The following KIAA1671 variants were observed in gnomAD, a reference collection of about 807,000 sequenced individuals.
KIAA1671 encodes the protein KIAA1671.
In KIAA1671, 52 loss-of-function variants were observed where a neutral mutation model predicts 131.2. The observed-to-expected ratio is 0.40, with a 90% CI of 0.32 to 0.50. The LOEUF (loss-of-function observed/expected upper bound fraction) is 0.50. Ranked by LOEUF, KIAA1671 falls within the 20% of genes least tolerant of loss-of-function variation. KIAA1671 has a pLI of 0.73. For synonymous variants in KIAA1671, 1,003 were observed against 961.6 expected (o/e 1.04, Z -0.80); for missense variants, 2,360 against 2,364.2 (o/e 1.00, Z 0.04).
intron 6 of KIAA1671, among the ~76,000 whole-genome samples, chr22:25,120,800 C>A (rs1931898122): frequency 6.6e-6 from 1 of 152,172 alleles, no homozygotes; most frequent in Non-Finnish European, 1.5e-5. Context: ...GTCTTTATGA[C>A]ACTTTTAATG....
In KIAA1671 at chr22:25,185,112, G is replaced by A; in HGVS notation, c.5335G>A (p.Asp1779Asn). ...SRVLPSSMDK[D>N]ERSDEPSPQW... ...CGTGCTGCCTTCCAGCATGGACAAG[G>A]ATGAGAGGTGAGGGGTCTTGGGGAA... is the stretch of plus-strand genomic sequence containing the variant. Residue 1779 changes from aspartate to asparagine, a missense_variant, in exon 11 of 13, where the codon GAT becomes AAT. Physicochemically the swap from Asp to Asn is conservative, Grantham distance 23. Coordinates refer to ENST00000358431, the MANE Select transcript of KIAA1671 (RefSeq NM_001145206.2). 1.3e-6 allele frequency: 2 copies of A among 1,549,682 alleles called. No individual in the cohort carries two copies. The highest frequency in any genetic ancestry group is 1.7e-6 in the Non-Finnish European group (2 of 1,145,754).
intron 5 of KIAA1671, among the ~76,000 whole-genome samples, chr22:25,045,299 C>T (rs1939173917): frequency 6.6e-6 from 1 of 152,186 alleles, no homozygotes; most frequent in African/African-American, 2.4e-5. Flanking sequence ...CAATTTTGCC[C>T]CTGGGGCACA....
intron 6 of KIAA1671, chr22:25,051,299 C>CT (rs1927520529): frequency 6.6e-6 from 1 of 152,186 alleles, no homozygotes; most frequent in East Asian, 1.9e-4. Context: ...CTAGAGGGAC[C>CT]TTTTAGTATT....
intron 1 of KIAA1671, among the ~76,000 whole-genome samples, chr22:24,981,280 T>C (rs1341935826): frequency 6.6e-6 from 1 of 152,126 alleles, no homozygotes; most frequent in African/African-American, 2.4e-5. Context: ...CACTGGACTG[T>C]GAACTTTCTG....
Position 25,040,443 on chromosome 22 carries a change from C to T in KIAA1671, c.3313C>T (p.Pro1105Ser). The T allele has an allele frequency of 1.3e-6, 2 of 1,552,018 alleles. No homozygotes were observed. The highest frequency in any genetic ancestry group is 2.0e-5 in the Admixed American group (1 of 51,004). The change falls in exon 5 of 13, where the codon CCA (proline) becomes TCA (serine). Residue 1105 changes from proline to serine, a missense_variant. Physicochemically the swap from Pro to Ser is moderately conservative, Grantham distance 74. This residue lies in a region of KIAA1671 where 1,161 missense variants were observed against 1,204.7 expected (regional missense o/e 0.96). Coordinates refer to ENST00000358431, the MANE Select transcript of KIAA1671 (RefSeq NM_001145206.2). ...TGCAAGCATTTTAAAAACTCTGAAG[C>T]CAACAGACCGTCCATCATCTCTTGG... ...ENASILKTLK[P>S]TDRPSSLGAW... is the part of the protein sequence containing the mutation.
intron 6 of KIAA1671, among the ~76,000 whole-genome samples, chr22:25,093,553 A>G (rs1930124418): frequency 6.6e-6 from 1 of 152,112 alleles, no homozygotes; most frequent in African/African-American, 2.4e-5. Flanking sequence ...TCCTTCCTCC[A>G]AGGGATCTCA....
intron 6 of KIAA1671, among the ~76,000 whole-genome samples, chr22:25,093,728 C>CTTTCTCTCTCTCTCTCTG (rs1568950936): frequency 5.6e-5 from 7 of 124,638 alleles, no homozygotes; most frequent in Non-Finnish European, 6.5e-5. Context: ...CACACACACA[C>CTTTCTCTCTCTCTCTCTG]ACACACACAC....
chr22:25,193,922 T>A lies in KIAA1671; in HGVS notation c.*1521T>A, dbSNP rs577237023. On this transcript the variant is annotated 3_prime_UTR_variant, in exon 13 of 13. Coordinates refer to ENST00000358431, the MANE Select transcript of KIAA1671 (RefSeq NM_001145206.2). Reference sequence around the variant, plus strand: ...GATAGTTTGTTTTCTCTTCATTCCCTGAATTAGTCATCAGTTCTCCGTGGC... The same window carrying A: ...GATAGTTTGTTTTCTCTTCATTCCCAGAATTAGTCATCAGTTCTCCGTGGC... 6.6e-6 allele frequency: 1 copy of A among 152,264 alleles called. No individual in the cohort carries two copies. Among genetic ancestry groups the A allele is most frequent in the African/African-American group, 2.4e-5 (1 of 41,478 alleles). 9.4% of individuals were successfully genotyped at this position (152,264 alleles called of 1,614,324 possible).
chr22:24,970,730 TA>T (rs533720025), intron 1 of KIAA1671, among the ~76,000 whole-genome samples: 29 of 137,296 alleles, frequency 2.1e-4, no homozygotes, highest in Admixed American at 2.9e-4. Flanking sequence ...GTTGATGAGC[TA>T]AAAAAAAAAA....
Position 25,185,118 on chromosome 22 carries a change from A to G in KIAA1671, c.5341A>G (p.Arg1781Gly), listed in dbSNP as rs1183910369. 1 of 1,547,178 alleles carries G rather than the reference A, an allele frequency of 6.5e-7. No homozygotes were observed. The highest frequency in any genetic ancestry group is 8.7e-7 in the Non-Finnish European group (1 of 1,144,458). ...VLPSSMDKDE[R>G]SDEPSPQWLK... ...GCCTTCCAGCATGGACAAGGATGAG[A>G]GGTGAGGGGTCTTGGGGAATGGGGG... Residue 1781 changes from arginine (R) to glycine (G), a missense_variant and splice_region_variant, in exon 11 of 13, where the codon AGG (arginine) becomes GGG (glycine). By Grantham distance (125) the Arg-to-Gly change is moderately radical (BLOSUM62 -2). Around this residue, in one of 3 missense-constraint regions of KIAA1671, gnomAD observed 1,161 missense variants for 1,204.7 expected, o/e 0.96. Transcript: ENST00000358431.
At chr22:25,000,796 G>A (rs115579874) in intron 1 of KIAA1671, among the ~76,000 whole-genome samples, 5,850 of 150,552 alleles carry the variant, frequency 0.039, 161 homozygotes, top group Middle Eastern at 0.059. Flanking sequence ...AGGATTACAG[G>A]AATGAGCCAC....
intron 1 of KIAA1671, among the ~76,000 whole-genome samples, chr22:24,953,347 T>A (rs537422638): frequency 6.6e-6 from 1 of 151,000 alleles, no homozygotes; most frequent in African/African-American, 2.4e-5. Flanking sequence ...GAGGTGGAAG[T>A]GGGAAGCAAG....
intron 6 of KIAA1671, chr22:25,061,263 T>A (rs1928144327): frequency 1.3e-5 from 2 of 152,220 alleles, no homozygotes; most frequent in Non-Finnish European, 2.9e-5. Context: ...ATCTTCTACT[T>A]GAACTCGAGG....
chr22:25,063,705 T>C (rs1157775368), intron 6 of KIAA1671: 1 of 152,204 alleles, frequency 6.6e-6, no homozygotes, highest in Non-Finnish European at 1.5e-5. Flanking sequence ...CCCAAAATTA[T>C]TGAAATATAA....
Position 25,066,968 on chromosome 22 carries a change from C to T in KIAA1671, c.4530+17604C>T, listed in dbSNP as rs573586357. On this transcript the variant is annotated intron_variant, in intron 6 of 12. Coordinates refer to ENST00000358431, the MANE Select transcript of KIAA1671 (RefSeq NM_001145206.2). ...TGCCATGGAGAAGGGCCCCTGGGGG[C>T]GGGAAGAGAGGACACTGTTCCACTT... Among the ~76,000 whole-genome samples, 384 of 152,230 alleles carry T rather than the reference C, an allele frequency of 2.5e-3. 1 individual carries two copies. Among genetic ancestry groups the T allele is most frequent in the Non-Finnish European group, 4.5e-3 (306 of 68,010 alleles).
intron 5 of KIAA1671, among the ~76,000 whole-genome samples, chr22:25,047,682 A>C (rs1183804190): frequency 6.6e-6 from 1 of 152,198 alleles, no homozygotes; most frequent in Non-Finnish European, 1.5e-5. Context: ...CATGTTGGCG[A>C]GGCTGGTCTC....
intron 6 of KIAA1671, 69 bp downstream of exon 6, chr22:25,049,433 G>A (rs1421768592): frequency 6.6e-7 from 1 of 1,509,706 alleles, no homozygotes; most frequent in Non-Finnish European, 8.9e-7. Flanking sequence ...CTGTGAATGT[G>A]GTTGGTGGAG....
chr22:25,147,307 C>T (rs959081533), intron 6 of KIAA1671, among the ~76,000 whole-genome samples: 31 of 152,138 alleles, frequency 2.0e-4, no homozygotes, highest in Non-Finnish European at 2.2e-4. Context: ...ATTCTCCTGC[C>T]TCAGCCTCCT....
At chr22:24,978,111 T>C (rs1923008339) in intron 1 of KIAA1671, among the ~76,000 whole-genome samples, 1 of 152,162 alleles carries the variant, frequency 6.6e-6, no homozygotes, top group South Asian at 2.1e-4. Context: ...AGGAGGCAGG[T>C]GATAGGGTTT....
Sources: allele counts gnomAD v4.1 joint callset (sites outside exome capture counted in the v4.1 genomes callset), GRCh38; gene constraint gnomAD v4.1.1; regional missense constraint gnomAD v4.1.1; transcripts MANE v1.5; gene names NCBI Gene and HGNC (gene_info 2026-07-23, HGNC 2026-07-21).